The following OPCML variants were observed in gnomAD, a reference collection of about 807,000 sequenced individuals.
OPCML encodes the protein opioid-binding protein/cell adhesion molecule.
In OPCML, 13 loss-of-function variants were observed where a neutral mutation model predicts 37.8. That is an observed-to-expected ratio of 0.34 (90% CI 0.22 to 0.55). The LOEUF (loss-of-function observed/expected upper bound fraction) is 0.55, where lower values mean the gene tolerates loss of function less well. Among genes scored for constraint, OPCML ranks in the 20% least tolerant of loss-of-function variants. The pLI, the probability that OPCML is intolerant of heterozygous loss-of-function variation, is 0.91. For synonymous variants in OPCML, 176 were observed against 168.8 expected, an observed-to-expected ratio of 1.04 and a Z score of -0.33; for missense variants, 341 against 435.6, an observed-to-expected ratio of 0.78 and a Z score of 1.93.
At chr11:132,504,486 C>G (rs2096252125) in intron 4 of OPCML, among the ~76,000 whole-genome samples, 1 of 152,186 alleles carries the variant, frequency 6.6e-6, no homozygotes, top group African/African-American at 2.4e-5. Context: ...TCCAGGCTTT[C>G]TCATGAGGGT....
chr11:133,407,059 G>A (rs147675874), intron 1 of OPCML, among the ~76,000 whole-genome samples: 104 of 152,202 alleles, frequency 6.8e-4, no homozygotes, highest in African/African-American at 2.3e-3. Context: ...ACCTTTATTC[G>A]CCTTTGAACT....
At chr11:133,368,958 A>T (rs972176589) in intron 1 of OPCML, among the ~76,000 whole-genome samples, 1 of 152,260 alleles carries the variant, frequency 6.6e-6, no homozygotes, top group Non-Finnish European at 1.5e-5. Context: ...AAATGAATTT[A>T]AAACCGTTAT....
intron 2 of OPCML, among the ~76,000 whole-genome samples, chr11:132,693,321 A>G (rs1462073114): frequency 6.6e-6 from 1 of 152,200 alleles, no homozygotes; most frequent in African/African-American, 2.4e-5. Flanking sequence ...AGTATGACCT[A>G]TTGTTAATAC....
At chr11:133,085,560 A>G (rs1948806288) in intron 1 of OPCML, among the ~76,000 whole-genome samples, 1 of 152,238 alleles carries the variant, frequency 6.6e-6, no homozygotes, top group South Asian at 2.1e-4. Context: ...TTACCTAGCA[A>G]TTAACTAAGA....
chr11:132,775,725 C>T (rs1946786004), intron 2 of OPCML, among the ~76,000 whole-genome samples: 1 of 152,182 alleles, frequency 6.6e-6, no homozygotes, highest in African/African-American at 2.4e-5. Context: ...TGCAGAGGCT[C>T]CTAGAAAACA....
At chr11:133,395,579 G>T (rs77142408) in intron 1 of OPCML, among the ~76,000 whole-genome samples, 1,839 of 152,050 alleles carry the variant, frequency 0.012, 36 homozygotes, top group African/African-American at 0.041. Context: ...TATGGCAAGA[G>T]ATAGTTTCAC....
chr11:132,600,979 C>T (rs1182688981), intron 3 of OPCML, among the ~76,000 whole-genome samples: 1 of 151,520 alleles, frequency 6.6e-6, no homozygotes, highest in Non-Finnish European at 1.5e-5. Flanking sequence ...GCGTAAGCCA[C>T]TGTGCCTGGC....
Position 132,638,186 on chromosome 11 carries a change from T to TATATATATATATATATATATATAC in OPCML, c.379+18900_379+18901insGTATATATATATATATATATATAT, listed in dbSNP as rs71067383. Among the ~76,000 whole-genome samples, 362 of 130,914 alleles carry TATATATATATATATATATATATAC rather than the reference T, an allele frequency of 2.8e-3. 2 individuals are homozygous for TATATATATATATATATATATATAC. The highest frequency in any genetic ancestry group is 4.2e-3 in the Middle Eastern group (1 of 238). The allele number at this position is 130,914 out of a possible 152,430, so 85.9% of individuals were successfully genotyped here. Reference sequence around the variant, plus strand: ...GACTATATATATATATATATATATATACAGAGAGAGAGAGAGCATATATAC... The same window carrying TATATATATATATATATATATATAC: ...GACTATATATATATATATATATATATATATATATATATATATATATATACACAGAGAGAGAGAGAGCATATATAC... On this transcript the variant is annotated intron_variant, in intron 3 of 7. Transcript: ENST00000524381.
At chr11:132,450,487 C>T (rs1344848013) in intron 4 of OPCML, among the ~76,000 whole-genome samples, 3 of 151,924 alleles carry the variant, frequency 2.0e-5, no homozygotes, top group Non-Finnish European at 2.9e-5. Context: ...TAGGGCTGCC[C>T]GTAGAGGGGC....
At chr11:132,617,101 A>G (rs761115489) in intron 3 of OPCML, among the ~76,000 whole-genome samples, 76 of 152,240 alleles carry the variant, frequency 5.0e-4, no homozygotes, top group Admixed American at 2.2e-3. Flanking sequence ...GTCCTACTCG[A>G]AACATTCTAA....
intron 2 of OPCML, among the ~76,000 whole-genome samples, chr11:132,765,305 A>G (rs1369566101): frequency 1.3e-5 from 2 of 152,072 alleles, no homozygotes; most frequent in African/African-American, 2.4e-5. Flanking sequence ...AGTGAGTACA[A>G]TCTGTAACAT....
At chr11:133,075,922 A>G (rs552188256) in intron 1 of OPCML, among the ~76,000 whole-genome samples, 2 of 152,288 alleles carry the variant, frequency 1.3e-5, no homozygotes, top group South Asian at 2.1e-4. Context: ...TTATTCAGTT[A>G]TTTGAATGAT....
chr11:132,500,739 G>A (rs1420010765), intron 4 of OPCML, among the ~76,000 whole-genome samples: 1 of 151,888 alleles, frequency 6.6e-6, no homozygotes, highest in African/African-American at 2.4e-5. Context: ...AGTGTGTGAT[G>A]TTCCCCTCTC....
intron 1 of OPCML, among the ~76,000 whole-genome samples, chr11:133,366,344 A>C (rs1213672127): frequency 1.3e-5 from 2 of 152,206 alleles, no homozygotes; most frequent in East Asian, 3.9e-4. Context: ...TAGTGCCTTC[A>C]GCTGCGAGTG....
At chr11:133,528,980 C>T (rs1948546801) in intron 1 of OPCML, among the ~76,000 whole-genome samples, 1 of 152,244 alleles carries the variant, frequency 6.6e-6, no homozygotes, top group Non-Finnish European at 1.5e-5. Flanking sequence ...TTGGGCAGCA[C>T]TGTGCCTCAG....
chr11:133,162,149 G>A (rs1041340010), intron 1 of OPCML, among the ~76,000 whole-genome samples: 1 of 152,064 alleles, frequency 6.6e-6, no homozygotes, highest in African/African-American at 2.4e-5. Context: ...GGCAGGGCAG[G>A]GGTAAGGGAA....
rs573692996 is a variant in OPCML, at chr11:132,543,368, C to A, written c.380-14182G>T. ...CTCTTTAAAATGCACACACACACAG[C>A]CAGGCATGGTGGCATGCGCTTATAG... is the stretch of plus-strand genomic sequence containing the variant. On this transcript the variant is annotated intron_variant, in intron 3 of 7. Transcript: ENST00000524381. Among the ~76,000 whole-genome samples the A allele has an allele frequency of 2.6e-5, 4 of 152,042 alleles. No homozygotes were observed. In the South Asian group the frequency reaches 6.2e-4, roughly 24 times the overall value.
chr11:132,717,611 C>A (rs1421052240), intron 2 of OPCML, among the ~76,000 whole-genome samples: 1 of 151,998 alleles, frequency 6.6e-6, no homozygotes, highest in Non-Finnish European at 1.5e-5. Flanking sequence ...TTCAAATTTT[C>A]TAAGATTAAC....
chr11:132,593,588 C>T (rs1243395291), intron 3 of OPCML, among the ~76,000 whole-genome samples: 4 of 152,070 alleles, frequency 2.6e-5, no homozygotes, highest in African/African-American at 2.4e-5. Flanking sequence ...AAAAGGCCAG[C>T]CAGCAGACTG....
Sources: allele counts gnomAD v4.1 joint callset (sites outside exome capture counted in the v4.1 genomes callset), GRCh38; gene constraint gnomAD v4.1.1; transcripts MANE v1.5; gene names NCBI Gene and HGNC (gene_info 2026-07-23, HGNC 2026-07-21).